ZNF521: variants seen among roughly 807,000 people sequenced by gnomAD.
ZNF521 encodes the protein LYST-interacting protein 3.
ZNF521 carries 14 observed loss-of-function variants against 105.5 expected under a neutral mutation model. The ratio of observed to expected loss-of-function variants is 0.13; its 90% CI spans 0.09 to 0.21. The LOEUF is 0.21. ZNF521 is among the 10% of genes least tolerant of loss of function. The pLI, the probability that ZNF521 is intolerant of heterozygous loss-of-function variation, is 1.00. For synonymous variants in ZNF521, 635 were observed against 606.0 expected (o/e 1.05, Z -0.70); for missense variants, 1,233 against 1,629.7 (o/e 0.76, Z 4.19).
chr18:25,178,234 T>G lies in ZNF521; in HGVS notation c.3658+16926A>C, dbSNP rs533753984. Among the ~76,000 whole-genome samples, 15 of 152,366 alleles carry G rather than the reference T, an allele frequency of 9.8e-5. 1 individual carries two copies. The highest frequency in any genetic ancestry group is 6.5e-5 in the Admixed American group (1 of 15,306). ...TATACAGATACCTACAGAAAGAGGCTTCTAGAAATGTTGGAGGTTTCCAAG... is the reference window on the plus strand; with the variant it reads ...TATACAGATACCTACAGAAAGAGGCGTCTAGAAATGTTGGAGGTTTCCAAG... On this transcript the variant is annotated intron_variant, in intron 5 of 7. Transcript: ENST00000361524.
chr18:25,255,388 T>A (rs8087785), intron 3 of ZNF521, among the ~76,000 whole-genome samples: 2 of 152,128 alleles, frequency 1.3e-5, no homozygotes, highest in Non-Finnish European at 2.9e-5. Flanking sequence ...TCCCTTCAAA[T>A]TTGTATAAAA....
intron 3 of ZNF521, among the ~76,000 whole-genome samples, chr18:25,285,063 GAA>G (rs746463852): frequency 1.5e-5 from 2 of 130,706 alleles, no homozygotes; most frequent in South Asian, 2.5e-4. Flanking sequence ...CCAGAAAAGG[GAA>G]AAAAAAAAAA....
At position 25,174,571 on chromosome 18, in the gene ZNF521, C is replaced by A. The variant is rs567801111; in HGVS notation, c.3658+20589G>T. On this transcript the variant is annotated intron_variant, in intron 5 of 7. Transcript: ENST00000361524. The stretch of plus-strand genomic sequence containing the variant: ...TGAGAGAAGCAAGCTTGGTCTGCAG[C>A]TTAGCAGCTGCACAGGCTCGCCAAG... 2.0e-5 allele frequency among the ~76,000 whole-genome samples: 3 copies of A among 152,318 alleles called. No homozygotes were observed. In the South Asian group the frequency reaches 6.2e-4, roughly 32 times the overall value.
At chr18:25,091,506 T>G (rs990295493) in intron 6 of ZNF521, among the ~76,000 whole-genome samples, 1 of 152,138 alleles carries the variant, frequency 6.6e-6, no homozygotes, top group African/African-American at 2.4e-5. Context: ...AATACTATCT[T>G]TGTATTTCTG....
rs750467147 is a variant in ZNF521, at chr18:25,322,272, A to G, written c.41-85T>C. On this transcript the variant is annotated intron_variant, in intron 2 of 7. Coordinates refer to ENST00000361524, the MANE Select transcript of ZNF521 (RefSeq NM_015461.3). ...TTAATCTTCTTGCTACCAAAAACAGAAACACCATTTTCCTTGAAGTTGCAA... is the reference window on the plus strand; with the variant it reads ...TTAATCTTCTTGCTACCAAAAACAGGAACACCATTTTCCTTGAAGTTGCAA... The G allele has an allele frequency of 1.5e-5, 21 of 1,377,022 alleles. No individual in the cohort carries two copies. The Admixed American group carries it at 2.2e-4, about 14-fold the overall frequency. The allele number at this position is 1,377,022 out of a possible 1,614,324, so 85.3% of individuals were successfully genotyped here. A position where few individuals can be genotyped will look rare whatever the true frequency, so the allele number is the denominator to read the frequency against.
chr18:25,078,098 C>T (rs1213685361), intron 7 of ZNF521, among the ~76,000 whole-genome samples: 1 of 152,154 alleles, frequency 6.6e-6, no homozygotes, highest in Non-Finnish European at 1.5e-5. Flanking sequence ...TTCCACAGGG[C>T]CCCCGCTGAT....
intron 3 of ZNF521, among the ~76,000 whole-genome samples, chr18:25,290,361 C>T (rs1255628906): frequency 6.6e-6 from 1 of 152,108 alleles, no homozygotes; most frequent in East Asian, 1.9e-4. Flanking sequence ...TGATTATGAA[C>T]ACCTTAAAAA....
chr18:25,288,715 T>C (rs1910846995), intron 3 of ZNF521, among the ~76,000 whole-genome samples: 1 of 152,026 alleles, frequency 6.6e-6, no homozygotes, highest in East Asian at 1.9e-4. Flanking sequence ...GAAGTAAACA[T>C]TTCCATAATT....
At chr18:25,316,320 A>AT (rs775716836) in intron 3 of ZNF521, among the ~76,000 whole-genome samples, 1 of 144,106 alleles carries the variant, frequency 6.9e-6, no homozygotes, top group Admixed American at 7.0e-5. Context: ...GGTAAAACGA[A>AT]TTTAAAAAAA....
intron 3 of ZNF521, among the ~76,000 whole-genome samples, chr18:25,303,986 T>C (rs1911821470): frequency 6.6e-6 from 1 of 152,160 alleles, no homozygotes; most frequent in Non-Finnish European, 1.5e-5. Context: ...CGACAGAGGA[T>C]TAACTAATTA....
At chr18:25,167,467 C>G (rs901511442) in intron 5 of ZNF521, among the ~76,000 whole-genome samples, 3 of 152,162 alleles carry the variant, frequency 2.0e-5, no homozygotes, top group African/African-American at 7.2e-5. Context: ...ACAAAACCTA[C>G]CTGACCAAAA....
Position 25,318,663 on chromosome 18 carries a change from A to T in ZNF521, c.220+3345T>A, listed in dbSNP as rs528032162. Among the ~76,000 whole-genome samples, 10 of 152,308 alleles carry T rather than the reference A, an allele frequency of 6.6e-5. No homozygotes were observed. In the South Asian group the frequency reaches 1.9e-3, roughly 28 times the overall value. ...GGCAGCAGAAATACACCAAGGAAAA[A>T]GACTAGGATGTACCTGAGGTACTGA... On this transcript the variant is annotated intron_variant, in intron 3 of 7. Transcript: ENST00000361524.
intron 5 of ZNF521, among the ~76,000 whole-genome samples, chr18:25,111,705 C>A (rs902989925): frequency 6.6e-6 from 1 of 152,184 alleles, no homozygotes; most frequent in African/African-American, 2.4e-5. Context: ...ATTCATTAGC[C>A]TTTGCAACTC....
intron 7 of ZNF521, among the ~76,000 whole-genome samples, chr18:25,079,739 T>C (rs1224229056): frequency 6.6e-6 from 1 of 152,162 alleles, no homozygotes; most frequent in Non-Finnish European, 1.5e-5. Flanking sequence ...GGATAAGGGC[T>C]TCCCACCAGT....
chr18:25,152,290 C>A (rs1469849981), intron 5 of ZNF521, among the ~76,000 whole-genome samples: 1 of 151,918 alleles, frequency 6.6e-6, no homozygotes, highest in African/African-American at 2.4e-5. Context: ...ACCAGCCTGG[C>A]CAAAATGGCA....
intron 6 of ZNF521, among the ~76,000 whole-genome samples, chr18:25,090,968 AC>A (rs1178516264): frequency 1.3e-5 from 2 of 152,226 alleles, no homozygotes; most frequent in Non-Finnish European, 2.9e-5. Context: ...AAGGAGCCAA[AC>A]AGGCAACTGT....
chr18:25,297,637 G>A (rs1454701379), intron 3 of ZNF521, among the ~76,000 whole-genome samples: 1 of 152,054 alleles, frequency 6.6e-6, no homozygotes, highest in Admixed American at 6.5e-5. Context: ...ATGAATGATG[G>A]CTATCCTCAA....
intron 5 of ZNF521, among the ~76,000 whole-genome samples, chr18:25,102,037 T>G (rs1440034889): frequency 1.3e-5 from 2 of 152,186 alleles, no homozygotes; most frequent in African/African-American, 4.8e-5. Context: ...GTACAGCACA[T>G]GAATCCATGT....
intron 2 of ZNF521, among the ~76,000 whole-genome samples, chr18:25,329,027 C>A (rs565883077): frequency 5.3e-5 from 8 of 152,290 alleles, no homozygotes; most frequent in Admixed American, 3.3e-4. Flanking sequence ...TCTATGGCTG[C>A]CTTGTCACAA....
Sources: allele counts gnomAD v4.1 joint callset (sites outside exome capture counted in the v4.1 genomes callset), GRCh38; gene constraint gnomAD v4.1.1; transcripts MANE v1.5; gene names NCBI Gene and HGNC (gene_info 2026-07-23, HGNC 2026-07-21).